STK32A: variants seen among roughly 807,000 people sequenced by gnomAD.
The protein encoded by STK32A is serine/threonine kinase 32A, also known as serine/threonine-protein kinase 32A.
In STK32A, 41 loss-of-function variants were observed where a neutral mutation model predicts 53.2. The ratio of observed to expected loss-of-function variants is 0.77; its 90% CI spans 0.60 to 1.00. The LOEUF (loss-of-function observed/expected upper bound fraction) is 1.00, where lower values mean the gene tolerates loss of function less well. Ranked by LOEUF, STK32A falls within the 50% of genes least tolerant of loss-of-function variation. STK32A has a pLI of 0.00. For synonymous variants in STK32A, 166 were observed against 162.8 expected (o/e 1.02, Z -0.15); for missense variants, 458 against 485.8 (o/e 0.94, Z 0.54).
the STK32A span, chr5:147,397,613 C>A: frequency 3.8e-6 from 6 of 1,562,074 alleles, no homozygotes; most frequent in Non-Finnish European, 4.4e-6. Context: ...TATCTCTGAG[C>A]GTGAGTGGAA....
At chr5:147,346,426 G>C (rs777178957) in intron 6 of STK32A, among the ~76,000 whole-genome samples, 5 of 152,132 alleles carry the variant, frequency 3.3e-5, no homozygotes, top group Non-Finnish European at 5.9e-5. Flanking sequence ...TATGCAACAC[G>C]ATTCAGTAAC....
rs1435459968 is a variant in STK32A at position 147,351,135 on chromosome 5, TG to T, written c.545del (p.Gly182AlafsTer30). ...GGGAGACACAGATTACCACCATGGC[TG>T]GCACCAAGCCTTACATGGGTATGGG... ...PRETQITTMA[G>X]TKPYMAPEMF... On this transcript the variant is annotated frameshift_variant, in exon 7 of 13. Coordinates refer to ENST00000397936, the MANE Select transcript of STK32A (RefSeq NM_001112724.2). LOFTEE classifies it high-confidence loss of function. The T allele has an allele frequency of 6.2e-7, 1 of 1,613,852 alleles. No individual in the cohort carries two copies. Among genetic ancestry groups the T allele is most frequent in the Non-Finnish European group, 8.5e-7 (1 of 1,179,852 alleles).
intron 8 of STK32A, among the ~76,000 whole-genome samples, chr5:147,365,224 A>T (rs1203449200): frequency 2.6e-5 from 4 of 152,144 alleles, no homozygotes; most frequent in Non-Finnish European, 4.4e-5. Context: ...TTGCTCAGGA[A>T]ATCAAAGATG....
In STK32A at chr5:147,386,951, G is replaced by A. The variant is rs562249249; in HGVS notation, c.*2968G>A. On this transcript the variant is annotated 3_prime_UTR_variant, in exon 13 of 13. Coordinates refer to ENST00000397936, the MANE Select transcript of STK32A (RefSeq NM_001112724.2). ...GGGCTAAACGTTAATATCCCACTAG[G>A]TGGAACATGTCTCTTCCGGAGTTGT... is the stretch of plus-strand genomic sequence containing the variant. 6.6e-6 allele frequency: 1 copy of A among 152,306 alleles called. No homozygotes were observed. Among genetic ancestry groups the A allele is most frequent in the South Asian group, 2.1e-4 (1 of 4,826 alleles). 9.4% of individuals were successfully genotyped at this position (152,306 alleles called of 1,614,324 possible).
intron 11 of STK32A, among the ~76,000 whole-genome samples, chr5:147,382,153 T>C (rs1757477543): frequency 6.6e-6 from 1 of 152,200 alleles, no homozygotes; most frequent in South Asian, 2.1e-4. Flanking sequence ...CTCAGTAATT[T>C]CCACTGTCCT....
chr5:147,393,951 C>T, the STK32A span: 26 of 1,403,034 alleles, frequency 1.9e-5, no homozygotes, highest in African/African-American at 2.8e-5. Context: ...TTTGGATTCG[C>T]TTTCCTTCTT....
chr5:147,368,295 C>T (rs1372842091), intron 8 of STK32A, among the ~76,000 whole-genome samples: 2 of 152,260 alleles, frequency 1.3e-5, no homozygotes, highest in African/African-American at 4.8e-5. Context: ...ATATTCACAA[C>T]ACATCATTTG....
rs573417424 is a variant in STK32A at position 147,386,126 on chromosome 5, C to T, written c.*2143C>T. On this transcript the variant is annotated 3_prime_UTR_variant, in exon 13 of 13. Transcript: ENST00000397936. ...CATATTATTGTTACATAATTAAAAG[C>T]CAGCTCTTTTGTTGTTTGTTTGATT... 3.1e-4 allele frequency: 47 copies of T among 152,270 alleles called. No individual in the cohort carries two copies. Among genetic ancestry groups the T allele is most frequent in the African/African-American group, 1.1e-3 (45 of 41,554 alleles). 9.4% of individuals were successfully genotyped at this position (152,270 alleles called of 1,614,324 possible). A position where few individuals can be genotyped will look rare whatever the true frequency, so the allele number is the denominator to read the frequency against.
Position 147,370,687 on chromosome 5 carries a change from A to G in STK32A, c.694A>G (p.Lys232Glu). The change falls in exon 9 of 13, where the codon AAG becomes GAG. Residue 232 changes from lysine (K) to glutamate (E), a missense_variant. Transcript: ENST00000397936. ...PYHIRSSTSS[K>E]EIVHTFETTV... The stretch of plus-strand genomic sequence containing the variant: ...TCATATTCGCTCCAGTACTTCCAGC[A>G]AGGAAATTGTACACACGTTTGAGAC... 1 of 1,612,390 alleles carries G rather than the reference A, an allele frequency of 6.2e-7. No homozygotes were observed.
intron 2 of STK32A, among the ~76,000 whole-genome samples, chr5:147,265,115 C>G (rs554639380): frequency 1.4e-5 from 2 of 140,780 alleles, no homozygotes; most frequent in South Asian, 4.3e-4. Flanking sequence ...ATATATCTTA[C>G]AATTATATAT....
chr5:147,301,008 C>T (rs1422841773), intron 4 of STK32A, among the ~76,000 whole-genome samples: 1 of 152,082 alleles, frequency 6.6e-6, no homozygotes, highest in African/African-American at 2.4e-5. Context: ...TGATAAAAGG[C>T]AGATTCATAG....
intron 2 of STK32A, among the ~76,000 whole-genome samples, chr5:147,252,846 A>C (rs191113174): frequency 6.6e-6 from 1 of 151,944 alleles, no homozygotes; most frequent in Non-Finnish European, 1.5e-5. Flanking sequence ...TAGAAAGTGA[A>C]CTCCATGAGG....
intron 4 of STK32A, among the ~76,000 whole-genome samples, chr5:147,298,721 G>A (rs922013456): frequency 6.6e-6 from 1 of 152,092 alleles, no homozygotes; most frequent in African/African-American, 2.4e-5. Context: ...TTGTATTAGA[G>A]GAAAGGTTAC....
chr5:147,347,544 C>G (rs867528272), intron 6 of STK32A, among the ~76,000 whole-genome samples: 67 of 152,092 alleles, frequency 4.4e-4, no homozygotes, highest in Admixed American at 3.9e-3. Flanking sequence ...TGGGTAGAGG[C>G]CGGGATGCTA....
At chr5:147,263,266 T>C (rs1311808902) in intron 2 of STK32A, among the ~76,000 whole-genome samples, 2 of 152,184 alleles carry the variant, frequency 1.3e-5, no homozygotes, top group African/African-American at 4.8e-5. Context: ...ATTATCAACA[T>C]TGGAGATTTT....
intron 4 of STK32A, among the ~76,000 whole-genome samples, chr5:147,301,892 G>A (rs1446889238): frequency 6.6e-6 from 1 of 152,074 alleles, no homozygotes; most frequent in Non-Finnish European, 1.5e-5. Flanking sequence ...TTCTCGGCTT[G>A]TGGCCCCTTC....
intron 2 of STK32A, among the ~76,000 whole-genome samples, chr5:147,244,538 A>G (rs1469420877): frequency 2.0e-5 from 3 of 152,218 alleles, no homozygotes; most frequent in African/African-American, 7.2e-5. Flanking sequence ...AGGCATGCAC[A>G]GGTTCAAGTC....
At chr5:147,337,042 G>A (rs186458555) in intron 5 of STK32A, among the ~76,000 whole-genome samples, 4 of 152,140 alleles carry the variant, frequency 2.6e-5, no homozygotes, top group Non-Finnish European at 5.9e-5. Flanking sequence ...CAGGGGAGGC[G>A]CAATGAAGGG....
At chr5:147,259,270 G>A (rs1754380437) in intron 2 of STK32A, among the ~76,000 whole-genome samples, 1 of 152,014 alleles carries the variant, frequency 6.6e-6, no homozygotes, top group Non-Finnish European at 1.5e-5. Flanking sequence ...GTTCTGAACT[G>A]GTGAGGTGTG....
Sources: allele counts gnomAD v4.1 joint callset (sites outside exome capture counted in the v4.1 genomes callset), GRCh38; gene constraint gnomAD v4.1.1; transcripts MANE v1.5; gene names NCBI Gene and HGNC (gene_info 2026-07-23, HGNC 2026-07-21).